TM6SF1: variants seen among roughly 807,000 people sequenced by gnomAD.
TM6SF1 encodes transmembrane 6 superfamily member 1.
A neutral mutation model predicts 47.1 loss-of-function variants in TM6SF1; 43 were observed. The observed-to-expected ratio is 0.91, with a 90% CI of 0.72 to 1.18. TM6SF1 has a LOEUF of 1.18. Ranked by LOEUF, TM6SF1 falls within the 50% of genes most tolerant of loss-of-function variation. TM6SF1 has a pLI of 0.00. For synonymous variants in TM6SF1, 177 were observed against 166.3 expected, an observed-to-expected ratio of 1.06 and a Z score of -0.49; for missense variants, 390 against 449.0, an observed-to-expected ratio of 0.87 and a Z score of 1.19.
At chr15:83,116,739 A>G (rs1426075009) in intron 3 of TM6SF1, among the ~76,000 whole-genome samples, 1 of 152,196 alleles carries the variant, frequency 6.6e-6, no homozygotes, top group Non-Finnish European at 1.5e-5. Context: ...GAGGCAGCGC[A>G]TGGGAAGTAG....
intron 3 of TM6SF1, among the ~76,000 whole-genome samples, chr15:83,116,476 A>C (rs1249826267): frequency 6.6e-6 from 1 of 152,222 alleles, no homozygotes; most frequent in Non-Finnish European, 1.5e-5. Context: ...TAAGTGACTT[A>C]TTCAAGGTGA....
At chr15:83,114,517 A>ATGGCC (rs1312543785) in intron 2 of TM6SF1, 1 of 152,418 alleles carries the variant, frequency 6.6e-6, no homozygotes, top group East Asian at 1.9e-4. Context: ...GAACTGGGCC[A>ATGGCC]AAGGCCCCCA....
chr15:83,120,229 A>T (rs2035092694), intron 4 of TM6SF1: 1 of 157,828 alleles, frequency 6.3e-6, no homozygotes, highest in Admixed American at 5.9e-5. Context: ...TGGTACCCCC[A>T]TCATGATATG....
chr15:83,119,115 G>A (rs970919456), intron 3 of TM6SF1, among the ~76,000 whole-genome samples: 1 of 152,146 alleles, frequency 6.6e-6, no homozygotes, highest in Non-Finnish European at 1.5e-5. Flanking sequence ...CAGTATGTGG[G>A]GAATGAGTGT....
At chr15:83,108,025 G>A (rs2033823480) in intron 1 of TM6SF1, 4 of 693,094 alleles carry the variant, frequency 5.8e-6, no homozygotes, top group East Asian at 3.9e-5. Context: ...ACCGCGCCAG[G>A]TGCCCGGGGT....
chr15:83,123,409 C>T (rs2035449778), intron 6 of TM6SF1, among the ~76,000 whole-genome samples: 1 of 152,206 alleles, frequency 6.6e-6, no homozygotes, highest in Non-Finnish European at 1.5e-5. Context: ...GGTGAAACAG[C>T]ACTGGCCTGG....
intron 2 of TM6SF1, chr15:83,113,624 A>G (rs893728888): frequency 5.9e-5 from 9 of 152,492 alleles, no homozygotes; most frequent in Admixed American, 5.2e-4. Context: ...TCCTACAGCA[A>G]CAAACATTTA....
intron 2 of TM6SF1, chr15:83,114,041 A>T (rs1160803947): frequency 6.6e-6 from 1 of 152,342 alleles, no homozygotes; most frequent in African/African-American, 2.4e-5. Context: ...ACAGCCAGTC[A>T]TTAGATGAGC....
At position 83,136,617 on chromosome 15, in the gene TM6SF1, G is replaced by T. The variant is rs370014243; in HGVS notation, c.1058G>T (p.Cys353Phe). Residue 353 changes from cysteine (C) to phenylalanine (F), a missense_variant, in exon 10 of 10, where the codon TGT becomes TTT. Coordinates refer to ENST00000322019, the MANE Select transcript of TM6SF1 (RefSeq NM_023003.5). ...GVLPQLLAYRCIYKPEFFIKT... is the reference protein window; with the variant it reads ...GVLPQLLAYRFIYKPEFFIKT... Reference sequence around the variant, plus strand: ...CTTCCTCAGCTCTTGGCCTATCGTTGTATCTACAAACCAGAGTTCTTCATA... The same window carrying T: ...CTTCCTCAGCTCTTGGCCTATCGTTTTATCTACAAACCAGAGTTCTTCATA... 10 of 1,611,894 alleles carry T rather than the reference G, an allele frequency of 6.2e-6. No individual in the cohort carries two copies. The highest frequency in any genetic ancestry group is 2.2e-5 in the East Asian group (1 of 44,858).
chr15:83,108,767 C>T (rs930487084), intron 1 of TM6SF1, among the ~76,000 whole-genome samples: 6 of 152,146 alleles, frequency 3.9e-5, no homozygotes, highest in Non-Finnish European at 7.4e-5. Flanking sequence ...CTGGTCAGGC[C>T]GTGGAGTGTC....
At chr15:83,127,534 A>G in intron 9 of TM6SF1, 57 bp downstream of exon 9, 1 of 1,596,952 alleles carries the variant, frequency 6.3e-7, no homozygotes. Flanking sequence ...CAATTGTTGA[A>G]TATATGAAAA....
chr15:83,136,395 A>C, intron 9 of TM6SF1, 86 bp from the exon 10 acceptor site: 1 of 1,179,806 alleles, frequency 8.5e-7, no homozygotes, highest in Non-Finnish European at 1.2e-6. Context: ...ACAGAAACGT[A>C]GCCTGAATGA....
chr15:83,115,895 G>T lies in TM6SF1; in HGVS notation c.247G>T (p.Glu83Ter). 1.2e-6 allele frequency: 2 copies of T among 1,614,146 alleles called. No individual in the cohort carries two copies. The highest frequency in any genetic ancestry group is 1.1e-5 in the South Asian group (1 of 91,086). Residue 83 changes from glutamate (E) to a stop codon, truncating the protein, a stop_gained, in exon 3 of 10, where the codon GAG becomes TAG. Transcript: ENST00000322019. LOFTEE classifies it high-confidence loss of function. ...TSVVNLIIGL[E>*]QDGIIDGFMT... is the part of the protein sequence containing the mutation. Reference sequence around the variant, plus strand: ...CGTGGTGAACCTCATCATAGGACTGGAGCAAGATGGAATCATTGACGGGTT... The same window carrying T: ...CGTGGTGAACCTCATCATAGGACTGTAGCAAGATGGAATCATTGACGGGTT...
chr15:83,107,653 G>C lies in TM6SF1; in HGVS notation c.-28G>C. The C allele has an allele frequency of 6.6e-7, 1 of 1,521,480 alleles. No individual in the cohort carries two copies. Among genetic ancestry groups the C allele is most frequent in the Non-Finnish European group, 8.8e-7 (1 of 1,134,152 alleles). The allele number at this position is 1,521,480 out of a possible 1,614,324, so 94.2% of individuals were successfully genotyped here. ...GGGGCGGGGCGCCCAGCGGGATGCG[G>C]TGAAGGGCGAGCGGCGCGGCGGCTG... On this transcript the variant is annotated 5_prime_UTR_variant, in exon 1 of 10. Transcript: ENST00000322019. The surrounding 1 kb of genome is among the most constrained non-coding windows in gnomAD (Gnocchi z 5.6).
chr15:83,109,789 A>G (rs2033983841), intron 1 of TM6SF1, among the ~76,000 whole-genome samples: 1 of 151,900 alleles, frequency 6.6e-6, no homozygotes, highest in South Asian at 2.1e-4. Context: ...TTGCTCCTTG[A>G]CCATTCCTCC....
Position 83,136,752 on chromosome 15 carries a change from CTT to C in TM6SF1, c.*81_*82del, listed in dbSNP as rs2036640306. 1.7e-6 allele frequency: 2 copies of C among 1,204,542 alleles called. No homozygotes were observed. The highest frequency in any genetic ancestry group is 2.4e-6 in the Non-Finnish European group (2 of 850,730). 74.6% of individuals were successfully genotyped at this position (1,204,542 alleles called of 1,614,324 possible). The stretch of plus-strand genomic sequence containing the variant: ...CTGATATTTTGTCCCATTTCACTCT[CTT>C]CTCATACGTGAGTACTTAAGAATAT... On this transcript the variant is annotated 3_prime_UTR_variant, in exon 10 of 10. Transcript: ENST00000322019.
At chr15:83,127,512 T>C in intron 9 of TM6SF1, 35 bp downstream of exon 9, 2 of 1,609,790 alleles carry the variant, frequency 1.2e-6, no homozygotes, top group Non-Finnish European at 8.5e-7. Flanking sequence ...GGTTTACTTG[T>C]GGTCTAGGTG....
intron 4 of TM6SF1, among the ~76,000 whole-genome samples, chr15:83,120,712 C>G (rs748179138): frequency 6.6e-6 from 1 of 151,244 alleles, no homozygotes; most frequent in Non-Finnish European, 1.5e-5. Flanking sequence ...GCGTGTGTCA[C>G]TATACCCGCA....
At chr15:83,115,014 C>T (rs2034526108) in intron 2 of TM6SF1, 1 of 152,308 alleles carries the variant, frequency 6.6e-6, no homozygotes, top group South Asian at 2.1e-4. Flanking sequence ...CATCAGCCAC[C>T]TGTCTGTCTC....
Sources: allele counts gnomAD v4.1 joint callset (sites outside exome capture counted in the v4.1 genomes callset), GRCh38; gene constraint gnomAD v4.1.1; non-coding constraint Gnocchi (gnomAD v3.1); transcripts MANE v1.5; gene names NCBI Gene and HGNC (gene_info 2026-07-23, HGNC 2026-07-21).